Variants in CDK14 observed in about 807,000 individuals in gnomAD.
CDK14 encodes the protein cyclin dependent kinase 14.
A neutral mutation model predicts 60.7 loss-of-function variants in CDK14; 34 were observed. The ratio of observed to expected loss-of-function variants is 0.56; its 90% CI spans 0.43 to 0.75. The LOEUF is 0.75. Ranked by LOEUF, CDK14 falls within the 30% of genes least tolerant of loss-of-function variation. The pLI, the probability that CDK14 is intolerant of heterozygous loss-of-function variation, is 0.00. For synonymous variants in CDK14, 197 were observed against 203.7 expected, an observed-to-expected ratio of 0.97 and a Z score of 0.28; for missense variants, 482 against 564.1, an observed-to-expected ratio of 0.85 and a Z score of 1.47.
chr7:90,971,372 G>T (rs1362010784), intron 9 of CDK14, among the ~76,000 whole-genome samples: 1 of 151,998 alleles, frequency 6.6e-6, no homozygotes. Flanking sequence ...ATGATTAAGG[G>T]GATCAGGGGA....
At chr7:90,924,350 C>T (rs1345238730) in intron 8 of CDK14, among the ~76,000 whole-genome samples, 5 of 152,306 alleles carry the variant, frequency 3.3e-5, no homozygotes, top group Admixed American at 2.6e-4. Flanking sequence ...TCTTAAAGGC[C>T]CCACCTTTCA....
chr7:90,743,594 C>G (rs571230779), intron 3 of CDK14, among the ~76,000 whole-genome samples: 6 of 152,040 alleles, frequency 3.9e-5, no homozygotes, highest in Non-Finnish European at 5.9e-5. Context: ...GTAGTGTATG[C>G]TTGTCTTTCA....
At chr7:90,646,863 AGTTTT>A (rs1800480004) in intron 2 of CDK14, among the ~76,000 whole-genome samples, 2 of 152,314 alleles carry the variant, frequency 1.3e-5, no homozygotes, top group Admixed American at 1.3e-4. Context: ...ATGAATGGAT[AGTTTT>A]GTTAACAACT....
intron 13 of CDK14, among the ~76,000 whole-genome samples, chr7:91,114,930 A>G (rs2116362712): frequency 6.6e-6 from 1 of 152,160 alleles, no homozygotes; most frequent in East Asian, 1.9e-4. Flanking sequence ...TGGGTGACTT[A>G]TTATCTAGGT....
chr7:90,762,815 G>A (rs1022933724), intron 4 of CDK14, among the ~76,000 whole-genome samples: 19 of 152,020 alleles, frequency 1.2e-4, no homozygotes, highest in African/African-American at 4.1e-4. Context: ...GGGAAACCCT[G>A]TCTCTAACAA....
intron 2 of CDK14, among the ~76,000 whole-genome samples, chr7:90,624,809 G>A (rs1395585601): frequency 6.6e-6 from 1 of 152,146 alleles, no homozygotes; most frequent in African/African-American, 2.4e-5. Flanking sequence ...AAGGCTGTGA[G>A]GCAGTCTCAT....
chr7:91,085,304 T>C (rs1798605332), intron 12 of CDK14, among the ~76,000 whole-genome samples: 1 of 151,948 alleles, frequency 6.6e-6, no homozygotes, highest in African/African-American at 2.4e-5. Flanking sequence ...CCTTGGGGGG[T>C]ATGGCTGAGG....
At chr7:90,902,652 T>C (rs1419357588) in intron 7 of CDK14, among the ~76,000 whole-genome samples, 3 of 152,084 alleles carry the variant, frequency 2.0e-5, no homozygotes, top group African/African-American at 7.2e-5. Context: ...ATTGAACTCA[T>C]GCAAGAAAAC....
intron 6 of CDK14, among the ~76,000 whole-genome samples, chr7:90,898,862 C>G (rs893302123): frequency 6.6e-6 from 1 of 151,868 alleles, no homozygotes; most frequent in South Asian, 2.1e-4. Flanking sequence ...ATTAATTTTA[C>G]TAGTAGAATA....
intron 10 of CDK14, among the ~76,000 whole-genome samples, chr7:91,022,956 C>T (rs1402700111): frequency 3.9e-5 from 6 of 151,994 alleles, no homozygotes; most frequent in African/African-American, 1.2e-4. Context: ...AGACTGATGC[C>T]GTATGGCTAG....
At chr7:90,622,659 A>G (rs1294252043) in intron 2 of CDK14, among the ~76,000 whole-genome samples, 1 of 152,180 alleles carries the variant, frequency 6.6e-6, no homozygotes, top group African/African-American at 2.4e-5. Context: ...GGAGTGTGGA[A>G]GGGTGAAGCA....
chr7:91,179,428 G>A (rs969368197), intron 14 of CDK14, among the ~76,000 whole-genome samples: 3 of 150,874 alleles, frequency 2.0e-5, no homozygotes, highest in East Asian at 2.0e-4. Flanking sequence ...TGGGTGCAGC[G>A]CACCAGCATG....
intron 5 of CDK14, among the ~76,000 whole-genome samples, chr7:90,801,409 G>A (rs929319557): frequency 8.5e-5 from 13 of 152,240 alleles, no homozygotes; most frequent in African/African-American, 3.1e-4. Context: ...ATCATTCTCT[G>A]TGGATTATTG....
chr7:91,182,003 A>G (rs1191559079), intron 14 of CDK14, among the ~76,000 whole-genome samples: 6 of 152,138 alleles, frequency 3.9e-5, no homozygotes, highest in African/African-American at 1.4e-4. Flanking sequence ...TCTTTTTAAG[A>G]TGAAACACAT....
At chr7:90,806,205 T>C (rs533616156) in intron 5 of CDK14, among the ~76,000 whole-genome samples, 1 of 152,180 alleles carries the variant, frequency 6.6e-6, no homozygotes, top group Admixed American at 6.5e-5. Flanking sequence ...TGGTAGAAAA[T>C]TTTGTGCCCT....
intron 7 of CDK14, among the ~76,000 whole-genome samples, chr7:90,903,325 A>G (rs1792580599): frequency 6.6e-6 from 1 of 152,228 alleles, no homozygotes; most frequent in Non-Finnish European, 1.5e-5. Flanking sequence ...GTGTCCATCA[A>G]CAAATTGATA....
At chr7:90,774,149 C>T (rs1197629055) in intron 4 of CDK14, among the ~76,000 whole-genome samples, 1 of 152,078 alleles carries the variant, frequency 6.6e-6, no homozygotes, top group Admixed American at 6.6e-5. Context: ...AGTGATCTGC[C>T]TGCCCTGGCC....
chr7:90,861,113 C>T (rs1176688497), intron 5 of CDK14, among the ~76,000 whole-genome samples: 1 of 152,008 alleles, frequency 6.6e-6, no homozygotes, highest in Non-Finnish European at 1.5e-5. Context: ...GAATAGCCAC[C>T]CCAACCCCTG....
chr7:91,124,568 G>A (rs1799885954), intron 14 of CDK14, among the ~76,000 whole-genome samples: 1 of 151,610 alleles, frequency 6.6e-6, no homozygotes, highest in African/African-American at 2.4e-5. Flanking sequence ...GAAACTGGTT[G>A]ATGCTTCACA....
Sources: allele counts gnomAD v4.1 joint callset (sites outside exome capture counted in the v4.1 genomes callset), GRCh38; gene constraint gnomAD v4.1.1; transcripts MANE v1.5; gene names NCBI Gene and HGNC (gene_info 2026-07-23, HGNC 2026-07-21).